The following ASPA variants were observed in gnomAD, a reference collection of about 807,000 sequenced individuals.
The protein encoded by ASPA is aspartoacylase, also known as ACY-2.
Under a neutral mutation model 29.6 loss-of-function variants are expected in ASPA, and 25 were observed. That is an observed-to-expected ratio of 0.85 (90% CI 0.62 to 1.18). The LOEUF (loss-of-function observed/expected upper bound fraction) is 1.18, where lower values mean the gene tolerates loss of function less well. Ranked by LOEUF, ASPA falls within the 50% of genes most tolerant of loss-of-function variation. The probability of loss-of-function intolerance (pLI) is 0.00; values close to 1 mark genes in which losing one functional copy is unlikely to be tolerated. For synonymous variants in ASPA, 131 were observed against 130.3 expected (o/e 1.01, Z -0.04); for missense variants, 333 against 385.7 (o/e 0.86, Z 1.14).
chr17:3,476,317 C>T lies in ASPA; in HGVS notation c.158C>T (p.Thr53Ile). ...RTGLEVKPFI[T>I]NPRAVKKCTR... ...GGGCTGGAGGTAAAACCATTTATTA[C>T]TAACCCCAGAGCAGTGAAGAAGTGT... Residue 53 changes from threonine (T) to isoleucine (I), a missense_variant, in exon 1 of 6, where the codon ACT becomes ATT. Transcript: ENST00000263080. 6 of 1,614,194 alleles carry T rather than the reference C, an allele frequency of 3.7e-6. No homozygotes were observed. The highest frequency in any genetic ancestry group is 5.1e-6 in the Non-Finnish European group (6 of 1,180,034).
At chr17:3,492,050 TG>T (rs2150756450) in intron 4 of ASPA, among the ~76,000 whole-genome samples, 1 of 152,108 alleles carries the variant, frequency 6.6e-6, no homozygotes, top group South Asian at 2.1e-4. Flanking sequence ...CTAATTTCTG[TG>T]GTTTTTGTAG....
intron 5 of ASPA, among the ~76,000 whole-genome samples, chr17:3,497,225 T>C (rs1362722448): frequency 6.6e-6 from 1 of 152,174 alleles, no homozygotes; most frequent in Non-Finnish European, 1.5e-5. Context: ...CAGGTGGGGC[T>C]AGCCAGACGT....
chr17:3,499,081 T>G lies in ASPA; in HGVS notation c.935T>G (p.Leu312Ter), dbSNP rs1555541343. Reference sequence around the variant, plus strand: ...AATGCAAAAAGTATTCGCTGCTGTTTACATTAGAAATCACTTCCAGCTTAC... The same window carrying G: ...AATGCAAAAAGTATTCGCTGCTGTTGACATTAGAAATCACTTCCAGCTTAC... Reference protein sequence around the residue: ...TLNAKSIRCCLH With the variant: ...TLNAKSIRCC Residue 312 changes from leucine to a stop codon, truncating the protein, a stop_gained, in exon 6 of 6, where the codon TTA (leucine) becomes TGA (stop). Transcript: ENST00000263080. LOFTEE classifies it high-confidence loss of function. 1 of 1,613,852 alleles carries G rather than the reference T, an allele frequency of 6.2e-7. No individual in the cohort carries two copies. Among genetic ancestry groups the G allele is most frequent in the Non-Finnish European group, 8.5e-7 (1 of 1,179,848 alleles).
chr17:3,498,554 C>G (rs2073946461), intron 5 of ASPA, among the ~76,000 whole-genome samples: 1 of 152,016 alleles, frequency 6.6e-6, no homozygotes, highest in Non-Finnish European at 1.5e-5. Context: ...TCTGTGTTGC[C>G]CAGGCTGGTT....
intron 4 of ASPA, among the ~76,000 whole-genome samples, chr17:3,491,881 T>TTC (rs1469028025): frequency 1.1e-4 from 16 of 145,658 alleles, no homozygotes; most frequent in African/African-American, 4.0e-4. Flanking sequence ...TGTTTTCTTT[T>TTC]TTTTTTTTTT....
rs922942874 is a variant in ASPA at position 3,500,268 on chromosome 17, T to C, written c.*1180T>C. On this transcript the variant is annotated 3_prime_UTR_variant, in exon 6 of 6. Transcript: ENST00000263080. ...AAGCTGTAGCAAGTTATCCAGAAGA[T>C]GTAGCTAAAATCATTGACAAAGATG... The C allele has an allele frequency of 6.6e-6, 1 of 152,274 alleles. No homozygotes were observed. The highest frequency in any genetic ancestry group is 1.5e-5 in the Non-Finnish European group (1 of 68,064). 9.4% of individuals were successfully genotyped at this position (152,274 alleles called of 1,614,324 possible).
rs995121631 is a variant in ASPA, at chr17:3,485,055, T to C, written c.526+1463T>C. On this transcript the variant is annotated intron_variant, in intron 3 of 5. Transcript: ENST00000263080. The surrounding 1 kb of genome is among the most constrained non-coding windows in gnomAD (Gnocchi z 4.4). ...TTTTTTCTGGAAAAGGGTCTCACTC[T>C]GTTGCCCAGGCTGAGTGTAGTGGCA... Among the ~76,000 whole-genome samples, 2 of 152,184 alleles carry C rather than the reference T, an allele frequency of 1.3e-5. No individual in the cohort carries two copies. The highest frequency in any genetic ancestry group is 4.8e-5 in the African/African-American group (2 of 41,452).
chr17:3,492,161 G>A (rs568577879), intron 4 of ASPA, among the ~76,000 whole-genome samples: 17 of 152,300 alleles, frequency 1.1e-4, no homozygotes, highest in Middle Eastern at 3.4e-3. Context: ...ACAGGCCTGC[G>A]CCATTGCGCC....
rs538545426 is a variant in ASPA at position 3,491,465 on chromosome 17, G to A, written c.634+2123G>A. ...GAAAATCATAATGAGAATAATTCCTGGCCAGGCGCGGTGGCTCATGCCTGT... is the reference window on the plus strand; with the variant it reads ...GAAAATCATAATGAGAATAATTCCTAGCCAGGCGCGGTGGCTCATGCCTGT... On this transcript the variant is annotated intron_variant, in intron 4 of 5. Coordinates refer to ENST00000263080, the MANE Select transcript of ASPA (RefSeq NM_000049.4). Among the ~76,000 whole-genome samples the A allele has an allele frequency of 1.6e-3, 250 of 152,204 alleles. 1 individual carries two copies. Among genetic ancestry groups the A allele is most frequent in the Non-Finnish European group, 3.0e-3 (205 of 68,006 alleles).
At position 3,476,101 on chromosome 17, in the gene ASPA, C is replaced by T. The variant is rs960826259; in HGVS notation, c.-59C>T. 9 of 1,500,232 alleles carry T rather than the reference C, an allele frequency of 6.0e-6. No homozygotes were observed. The highest frequency in any genetic ancestry group is 1.1e-5 in the South Asian group (1 of 88,326). 92.9% of individuals were successfully genotyped at this position (1,500,232 alleles called of 1,614,324 possible). On this transcript the variant is annotated 5_prime_UTR_variant, in exon 1 of 6. Transcript: ENST00000263080. ...ATTTCTAAACCTTTCTTAAGAAAAT[C>T]GAATTTCCTTTGATCTCTCTTCTGA...
At chr17:3,477,072 G>A (rs984851773) in intron 1 of ASPA, among the ~76,000 whole-genome samples, 4 of 152,026 alleles carry the variant, frequency 2.6e-5, no homozygotes, top group South Asian at 2.1e-4. Flanking sequence ...GGAGAATGGC[G>A]TGAACCCGGG....
In ASPA at chr17:3,477,874, G is replaced by A. The variant is rs367748278; in HGVS notation, c.236+1479G>A. On this transcript the variant is annotated intron_variant, in intron 1 of 5. Transcript: ENST00000263080. ...GTTTCTACCCCTCAAGGAGTTGGTA[G>A]ACTACTAGCTAAGATATAAGATACA... 3.9e-5 allele frequency among the ~76,000 whole-genome samples: 6 copies of A among 152,144 alleles called. No individual in the cohort carries two copies. In the East Asian group the frequency reaches 9.7e-4, roughly 25 times the overall value.
At chr17:3,487,867 C>A (rs1008429690) in intron 3 of ASPA, among the ~76,000 whole-genome samples, 43 of 152,248 alleles carry the variant, frequency 2.8e-4, no homozygotes, top group African/African-American at 9.6e-4. Flanking sequence ...ACAATGTATT[C>A]TATAGTATTC....
At position 3,502,719 on chromosome 17, in the gene ASPA, C is replaced by T. The variant is rs552232147; in HGVS notation, c.*3631C>T. ...ACTGACCTCATGGAGCAGAGAACCT[C>T]CTTCAGACACCTCACGCACCCCCTG... On this transcript the variant is annotated 3_prime_UTR_variant, in exon 6 of 6. Transcript: ENST00000263080. The T allele has an allele frequency of 6.6e-6, 1 of 152,368 alleles. No homozygotes were observed. Among genetic ancestry groups the T allele is most frequent in the South Asian group, 2.1e-4 (1 of 4,828 alleles). 9.4% of individuals were successfully genotyped at this position (152,368 alleles called of 1,614,324 possible).
rs764093501 is a variant in ASPA, at chr17:3,483,635, C to T, written c.526+43C>T. ...CTGTCATAACTCAATAAAATATGTC[C>T]TAGCTGAAACTCAGAGAAATTTATT... is the stretch of plus-strand genomic sequence containing the variant. On this transcript the variant is annotated intron_variant, in intron 3 of 5. Coordinates refer to ENST00000263080, the MANE Select transcript of ASPA (RefSeq NM_000049.4). 1.0e-5 allele frequency: 15 copies of T among 1,491,556 alleles called. No homozygotes were observed. The South Asian group carries it at 1.7e-4, about 17-fold the overall frequency. 92.4% of individuals were successfully genotyped at this position (1,491,556 alleles called of 1,614,324 possible).
At chr17:3,477,136 CAG>C (rs925037146) in intron 1 of ASPA, among the ~76,000 whole-genome samples, 10 of 151,890 alleles carry the variant, frequency 6.6e-5, no homozygotes, top group African/African-American at 2.4e-4. Flanking sequence ...GCCTGGGAGA[CAG>C]AGCAAGACTC....
At chr17:3,496,800 C>G (rs905166329) in intron 5 of ASPA, among the ~76,000 whole-genome samples, 5 of 152,318 alleles carry the variant, frequency 3.3e-5, no homozygotes, top group African/African-American at 9.6e-5. Flanking sequence ...GGAGCGGTGG[C>G]TCACGCCTGT....
intron 3 of ASPA, 22 bp from the exon 4 acceptor site, chr17:3,489,213 C>T: frequency 7.3e-7 from 1 of 1,368,964 alleles, no homozygotes; most frequent in South Asian, 1.2e-5. Flanking sequence ...ATAAATGTGA[C>T]TATCTCTCCT....
chr17:3,482,731 G>A (rs1277568777), intron 2 of ASPA, among the ~76,000 whole-genome samples: 1 of 151,504 alleles, frequency 6.6e-6, no homozygotes, highest in Non-Finnish European at 1.5e-5. Context: ...ACAGTAACTG[G>A]GTAGTGGTCC....
Sources: gnomAD v4.1 joint callset for allele counts (sites outside exome capture counted in the v4.1 genomes callset) on GRCh38, gnomAD v4.1.1 for gene constraint, Gnocchi (gnomAD v3.1) non-coding constraint, MANE v1.5 for transcripts, NCBI Gene and HGNC (gene_info 2026-07-23, HGNC 2026-07-21) for gene names.